The following LRRIQ3 variants were observed in gnomAD, a reference collection of about 807,000 sequenced individuals.
LRRIQ3 encodes the protein leucine-rich repeat and IQ domain-containing protein 3.
Under a neutral mutation model 59.3 loss-of-function variants are expected in LRRIQ3, and 75 were observed. The observed-to-expected ratio is 1.26, with a 90% CI of 1.05 to 1.53. LRRIQ3 has a LOEUF of 1.53. LRRIQ3 is among the 40% of genes most tolerant of loss of function. The pLI is 0.00. For missense variants in LRRIQ3, 831 were observed against 710.0 expected (o/e 1.17, Z -1.94); for synonymous variants, 250 against 231.3 (o/e 1.08, Z -0.73).
intron 4 of LRRIQ3, among the ~76,000 whole-genome samples, chr1:74,112,178 T>G (rs1239949440): frequency 6.6e-6 from 1 of 152,162 alleles, no homozygotes; most frequent in Non-Finnish European, 1.5e-5. Context: ...GCCTCCTCCT[T>G]CTGATCTAGG....
chr1:74,188,339 T>C (rs1184659572), intron 1 of LRRIQ3, among the ~76,000 whole-genome samples: 2 of 152,082 alleles, frequency 1.3e-5, no homozygotes, highest in South Asian at 2.1e-4. Flanking sequence ...CCTGGGTGAC[T>C]AAATCAATTG....
chr1:74,110,904 T>C (rs996246097), intron 4 of LRRIQ3, among the ~76,000 whole-genome samples: 4 of 152,070 alleles, frequency 2.6e-5, no homozygotes, highest in Admixed American at 6.6e-5. Context: ...TGTTTTACCA[T>C]ATCCAAAATC....
intron 7 of LRRIQ3, among the ~76,000 whole-genome samples, chr1:74,030,415 A>G (rs1223441612): frequency 6.6e-6 from 1 of 152,132 alleles, no homozygotes; most frequent in East Asian, 1.9e-4. Flanking sequence ...AAACAGAGAT[A>G]TAGACCAATG....
intron 6 of LRRIQ3, among the ~76,000 whole-genome samples, chr1:74,060,439 T>C (rs551104250): frequency 2.6e-5 from 4 of 152,034 alleles, no homozygotes; most frequent in African/African-American, 7.2e-5. Context: ...AGTTAGGTTA[T>C]ATATTTGAAG....
intron 6 of LRRIQ3, among the ~76,000 whole-genome samples, chr1:74,071,805 ACT>A (rs1655036253): frequency 6.6e-6 from 1 of 152,026 alleles, no homozygotes; most frequent in Non-Finnish European, 1.5e-5. Context: ...ACTAACTCAG[ACT>A]CTCTGGGGCC....
chr1:74,123,206 G>A (rs563144019), intron 4 of LRRIQ3, among the ~76,000 whole-genome samples: 4 of 152,040 alleles, frequency 2.6e-5, no homozygotes, highest in African/African-American at 9.6e-5. Flanking sequence ...TGGGGTACAT[G>A]AGATATTTTG....
intron 6 of LRRIQ3, among the ~76,000 whole-genome samples, chr1:74,045,158 A>C (rs1001768396): frequency 3.0e-4 from 46 of 152,236 alleles, no homozygotes; most frequent in African/African-American, 1.0e-3. Context: ...GACACAACAA[A>C]AAAAGAAAAT....
rs200539098 is a variant in LRRIQ3, at chr1:74,041,833, A to G, written c.1098T>C (p.Asn366=). 5 of 1,613,520 alleles carry G rather than the reference A, an allele frequency of 3.1e-6. No individual in the cohort carries two copies. The highest frequency in any genetic ancestry group is 4.2e-6 in the Non-Finnish European group (5 of 1,179,718). Residue 366 remains asparagine, a synonymous_variant, in exon 7 of 8, where the codon AAT becomes AAC. Coordinates refer to ENST00000354431, the MANE Select transcript of LRRIQ3 (RefSeq NM_001105659.2). ...LPIYTSGSLK[N]NAVLREKKQH... ...GTTTTTTCTCTCTCAATACTGCATT[A>G]TTCTTCAATGAACCTGAAGTGTATA...
intron 6 of LRRIQ3, among the ~76,000 whole-genome samples, chr1:74,063,164 G>A (rs961658929): frequency 3.3e-5 from 5 of 150,908 alleles, no homozygotes; most frequent in Non-Finnish European, 7.4e-5. Context: ...AACGAGGAAG[G>A]GTGTTTCCTA....
chr1:74,083,041 A>T (rs2100499356), intron 5 of LRRIQ3: 1 of 151,800 alleles, frequency 6.6e-6, no homozygotes, highest in Admixed American at 6.6e-5. Context: ...TGCCACATGT[A>T]TCTCTAAAAC....
chr1:74,129,341 GTC>G (rs776891263), intron 4 of LRRIQ3, among the ~76,000 whole-genome samples: 5 of 152,008 alleles, frequency 3.3e-5, no homozygotes, highest in African/African-American at 1.2e-4. Context: ...AAGCAGAGAA[GTC>G]TCTCCCTGTA....
chr1:74,151,081 G>T (rs867115230), intron 4 of LRRIQ3, among the ~76,000 whole-genome samples: 1 of 131,490 alleles, frequency 7.6e-6, no homozygotes, highest in Non-Finnish European at 1.5e-5. Context: ...GCAGTGGCGC[G>T]ATCTCGGCTC....
chr1:74,137,483 A>T (rs181120142), intron 4 of LRRIQ3, among the ~76,000 whole-genome samples: 5 of 152,218 alleles, frequency 3.3e-5, no homozygotes, highest in African/African-American at 1.2e-4. Context: ...GAACACTTTT[A>T]CACCATTGGT....
chr1:74,070,135 A>G (rs1234251679), intron 6 of LRRIQ3, among the ~76,000 whole-genome samples: 1 of 152,090 alleles, frequency 6.6e-6, no homozygotes, highest in East Asian at 1.9e-4. Context: ...TTGGACATAT[A>G]CCCAAAGGAA....
intron 4 of LRRIQ3, among the ~76,000 whole-genome samples, chr1:74,151,281 C>T (rs911324947): frequency 3.3e-5 from 5 of 151,920 alleles, no homozygotes; most frequent in African/African-American, 1.2e-4. Context: ...CTGAATGATG[C>T]TTTTAACATG....
intron 4 of LRRIQ3, among the ~76,000 whole-genome samples, chr1:74,137,703 T>C (rs1311331411): frequency 6.6e-6 from 1 of 151,994 alleles, no homozygotes; most frequent in East Asian, 1.9e-4. Flanking sequence ...CAAATGTCCA[T>C]CAATGATAGA....
At chr1:74,166,633 T>C (rs978315749) in intron 3 of LRRIQ3, among the ~76,000 whole-genome samples, 7 of 151,862 alleles carry the variant, frequency 4.6e-5, no homozygotes, top group African/African-American at 1.7e-4. Flanking sequence ...GCATAGATCA[T>C]TGATATGATA....
At chr1:74,167,302 G>T (rs550579316) in intron 3 of LRRIQ3, among the ~76,000 whole-genome samples, 2 of 151,944 alleles carry the variant, frequency 1.3e-5, no homozygotes, top group African/African-American at 4.8e-5. Flanking sequence ...AATGGCATTT[G>T]CAGCAACCTG....
intron 6 of LRRIQ3, among the ~76,000 whole-genome samples, chr1:74,062,228 T>C (rs866943253): frequency 1.4e-4 from 22 of 151,838 alleles, no homozygotes; most frequent in Admixed American, 6.6e-4. Flanking sequence ...ATAACCCCAT[T>C]AAAAATTGGG....
Sources: gnomAD v4.1 joint callset for allele counts (sites outside exome capture counted in the v4.1 genomes callset) on GRCh38, gnomAD v4.1.1 for gene constraint, MANE v1.5 for transcripts, NCBI Gene and HGNC (gene_info 2026-07-23, HGNC 2026-07-21) for gene names.